The following NIPBL variants were observed in gnomAD, a reference collection of about 807,000 sequenced individuals.
The protein encoded by NIPBL is NIPBL cohesin loading factor.
Under a neutral mutation model 321.8 loss-of-function variants are expected in NIPBL, and 19 were observed. The ratio of observed to expected loss-of-function variants is 0.06; its 90% CI spans 0.04 to 0.09. The LOEUF (loss-of-function observed/expected upper bound fraction) is 0.09. Among genes scored for constraint, NIPBL ranks in the 10% least tolerant of loss-of-function variants. NIPBL has a pLI of 1.00. For synonymous variants in NIPBL, 1,106 were observed against 1,114.1 expected (o/e 0.99, Z 0.14); for missense variants, 2,210 against 3,327.0 (o/e 0.66, Z 8.26).
At chr5:36,925,035 C>G (rs1435453011) in intron 1 of NIPBL, among the ~76,000 whole-genome samples, 1 of 152,158 alleles carries the variant, frequency 6.6e-6, no homozygotes, top group Admixed American at 6.5e-5. Flanking sequence ...ACTTTGTCCA[C>G]TTATGCAGGT....
chr5:36,943,608 G>A (rs1354581965), intron 1 of NIPBL, among the ~76,000 whole-genome samples: 3 of 152,074 alleles, frequency 2.0e-5, no homozygotes, highest in Non-Finnish European at 4.4e-5. Context: ...TACTAAAGCA[G>A]AGATATTGAT....
chr5:37,057,769 G>T (rs780078201), intron 43 of NIPBL, among the ~76,000 whole-genome samples: 6 of 152,084 alleles, frequency 3.9e-5, no homozygotes, highest in Non-Finnish European at 8.8e-5. Context: ...CTACAGCACC[G>T]TTATAGAGTT....
chr5:37,046,421 G>C (rs909656831), intron 38 of NIPBL, among the ~76,000 whole-genome samples: 1 of 152,200 alleles, frequency 6.6e-6, no homozygotes, highest in Non-Finnish European at 1.5e-5. Flanking sequence ...CTGTTCATCA[G>C]TTTCTTCATT....
At chr5:36,884,526 TAC>T (rs1745743428) in intron 1 of NIPBL, among the ~76,000 whole-genome samples, 1 of 152,346 alleles carries the variant, frequency 6.6e-6, no homozygotes, top group East Asian at 1.9e-4. Flanking sequence ...ATAGCATTTG[TAC>T]AGTTTTTTAC....
chr5:36,879,043 A>G (rs1745313408), intron 1 of NIPBL, among the ~76,000 whole-genome samples: 1 of 152,138 alleles, frequency 6.6e-6, no homozygotes, highest in South Asian at 2.1e-4. Flanking sequence ...ACATCTTAAG[A>G]AAGCAGAGGG....
intron 1 of NIPBL, among the ~76,000 whole-genome samples, chr5:36,892,557 G>A (rs1446503240): frequency 1.3e-5 from 2 of 152,148 alleles, no homozygotes; most frequent in Non-Finnish European, 2.9e-5. Flanking sequence ...AACAACGATA[G>A]ACTGGATTAA....
chr5:36,891,403 A>G (rs1746322176), intron 1 of NIPBL, among the ~76,000 whole-genome samples: 3 of 152,220 alleles, frequency 2.0e-5, no homozygotes, highest in African/African-American at 7.2e-5. Flanking sequence ...CAGTTGGAGC[A>G]CTGGTGGTAG....
intron 34 of NIPBL, among the ~76,000 whole-genome samples, chr5:37,039,415 G>A (rs925243745): frequency 2.6e-5 from 4 of 151,560 alleles, no homozygotes; most frequent in Non-Finnish European, 4.4e-5. Flanking sequence ...TCTAAAATAA[G>A]GTGTGAGTAG....
chr5:37,034,622 T>C (rs1024879244), intron 32 of NIPBL, among the ~76,000 whole-genome samples: 1 of 152,138 alleles, frequency 6.6e-6, no homozygotes, highest in Admixed American at 6.5e-5. Context: ...CTCAGAAGAC[T>C]ACATCAAGTA....
chr5:36,988,333 T>A (rs1199757038), intron 10 of NIPBL, among the ~76,000 whole-genome samples: 8 of 152,188 alleles, frequency 5.3e-5, no homozygotes, highest in Non-Finnish European at 7.4e-5. Context: ...GTGATGTGTG[T>A]GTATGTGTAC....
At chr5:36,940,708 A>C (rs1179715463) in intron 1 of NIPBL, among the ~76,000 whole-genome samples, 1 of 152,170 alleles carries the variant, frequency 6.6e-6, no homozygotes, top group Admixed American at 6.5e-5. Context: ...GGATTCTGGA[A>C]TCAGACTTGG....
intron 33 of NIPBL, among the ~76,000 whole-genome samples, chr5:37,037,098 A>G (rs1042867304): frequency 4.0e-5 from 6 of 151,872 alleles, no homozygotes; most frequent in African/African-American, 1.4e-4. Context: ...TAAGAAATAT[A>G]AAAATTGGGC....
chr5:37,058,981 C>A lies in NIPBL; in HGVS notation c.7501C>A (p.Arg2501=). The change falls in exon 44 of 47, where the codon CGG becomes AGG. Residue 2501 remains arginine, a synonymous_variant. Transcript: ENST00000282516. ...SDSEEEVSRP[R]KSRKRVDSDS... ...CAGTGAAGAAGAAGTTTCCAGGCCTCGGAAGTCACGGAAACGTGTAGATTC... is the reference window on the plus strand; with the variant it reads ...CAGTGAAGAAGAAGTTTCCAGGCCTAGGAAGTCACGGAAACGTGTAGATTC... The A allele has an allele frequency of 1.2e-6, 2 of 1,614,132 alleles. No individual in the cohort carries two copies. Among genetic ancestry groups the A allele is most frequent in the Non-Finnish European group, 1.7e-6 (2 of 1,180,026 alleles).
chr5:36,983,138 A>C (rs1322094478), intron 9 of NIPBL, among the ~76,000 whole-genome samples: 1 of 151,870 alleles, frequency 6.6e-6, no homozygotes, highest in Admixed American at 6.6e-5. Flanking sequence ...TAAGGTATTG[A>C]TGTAGAAAAC....
intron 1 of NIPBL, among the ~76,000 whole-genome samples, chr5:36,882,339 A>G (rs958920120): frequency 6.6e-6 from 1 of 151,892 alleles, no homozygotes; most frequent in Non-Finnish European, 1.5e-5. Flanking sequence ...TTTCCATGTG[A>G]CAGAAACTGT....
chr5:37,023,496 TAA>T (rs1463283319), intron 29 of NIPBL, among the ~76,000 whole-genome samples: 1 of 152,164 alleles, frequency 6.6e-6, no homozygotes, highest in Non-Finnish European at 1.5e-5. Flanking sequence ...TAAATTATTT[TAA>T]GTCAAACATT....
chr5:36,925,991 A>G (rs1749334172), intron 1 of NIPBL, among the ~76,000 whole-genome samples: 1 of 152,154 alleles, frequency 6.6e-6, no homozygotes, highest in South Asian at 2.1e-4. Flanking sequence ...TTTCGTACCC[A>G]TTCTCAAGTC....
At chr5:36,924,954 TTC>T (rs1449835013) in intron 1 of NIPBL, among the ~76,000 whole-genome samples, 16 of 152,348 alleles carry the variant, frequency 1.1e-4, no homozygotes, top group Admixed American at 9.8e-4. Context: ...ATATCTTTTA[TTC>T]TGTCATCAGG....
At chr5:37,049,771 C>A (rs760908298) in intron 40 of NIPBL, among the ~76,000 whole-genome samples, 2 of 152,084 alleles carry the variant, frequency 1.3e-5, no homozygotes, top group Non-Finnish European at 2.9e-5. Context: ...AATATGAGGA[C>A]ACAACGACGT....
Sources: allele counts gnomAD v4.1 joint callset (sites outside exome capture counted in the v4.1 genomes callset), GRCh38; gene constraint gnomAD v4.1.1; transcripts MANE v1.5; gene names NCBI Gene and HGNC (gene_info 2026-07-23, HGNC 2026-07-21).